The following SNTG2 variants were observed in gnomAD, a reference collection of about 807,000 sequenced individuals.
SNTG2 encodes the protein syntrophin gamma 2, also known as gamma-2-syntrophin.
A neutral mutation model predicts 70.9 loss-of-function variants in SNTG2; 74 were observed. The observed-to-expected ratio is 1.04, with a 90% confidence interval of 0.86 to 1.27. The LOEUF is 1.27. Among genes scored for constraint, SNTG2 ranks in the 50% most tolerant of loss-of-function variants. SNTG2 has a pLI of 0.00. For synonymous variants in SNTG2, 278 were observed against 273.8 expected (o/e 1.02, Z -0.15); for missense variants, 717 against 690.7 (o/e 1.04, Z -0.43).
chr2:1,204,268 C>T (rs2147977818), intron 8 of SNTG2, among the ~76,000 whole-genome samples: 1 of 152,272 alleles, frequency 6.6e-6, no homozygotes, highest in Middle Eastern at 3.4e-3. Context: ...TCAAACTGTG[C>T]ACTTAAAATC....
chr2:1,124,300 T>C (rs1047227508), intron 4 of SNTG2, among the ~76,000 whole-genome samples: 1 of 150,624 alleles, frequency 6.6e-6, no homozygotes, highest in Middle Eastern at 3.2e-3. Flanking sequence ...CTCAGTCTTT[T>C]TTTAATTTTT....
intron 14 of SNTG2, among the ~76,000 whole-genome samples, chr2:1,269,389 C>G (rs1033045244): frequency 6.6e-6 from 1 of 152,086 alleles, no homozygotes; most frequent in Non-Finnish European, 1.5e-5. Flanking sequence ...GGCATGGTAG[C>G]TGATGCCTGT....
At chr2:1,191,565 G>A (rs1349346355) in intron 8 of SNTG2, among the ~76,000 whole-genome samples, 1 of 152,170 alleles carries the variant, frequency 6.6e-6, no homozygotes, top group Non-Finnish European at 1.5e-5. Flanking sequence ...GGAGGCTGAG[G>A]TGAACGGATC....
intron 4 of SNTG2, among the ~76,000 whole-genome samples, chr2:1,132,892 T>C (rs994092513): frequency 2.0e-5 from 3 of 152,222 alleles, no homozygotes; most frequent in Admixed American, 1.3e-4. Flanking sequence ...TGCATTTGCC[T>C]TTCTCTACAG....
intron 14 of SNTG2, among the ~76,000 whole-genome samples, chr2:1,277,878 C>T (rs552245760): frequency 6.6e-6 from 1 of 152,198 alleles, no homozygotes; most frequent in Non-Finnish European, 1.5e-5. Flanking sequence ...GAGATCCCAC[C>T]GGAAGTGTCC....
At chr2:1,237,637 T>A (rs979608506) in intron 9 of SNTG2, among the ~76,000 whole-genome samples, 7 of 152,236 alleles carry the variant, frequency 4.6e-5, no homozygotes, top group African/African-American at 1.2e-4. Flanking sequence ...TCAGGAGCAC[T>A]GTTCTTTCCT....
intron 2 of SNTG2, among the ~76,000 whole-genome samples, chr2:1,084,304 G>A (rs962525144): frequency 1.3e-5 from 2 of 152,190 alleles, no homozygotes; most frequent in African/African-American, 4.8e-5. Context: ...TGAAAGAGGT[G>A]CAGATGTTAG....
intron 1 of SNTG2, among the ~76,000 whole-genome samples, chr2:1,063,419 A>C (rs1424324896): frequency 6.6e-6 from 1 of 152,184 alleles, no homozygotes; most frequent in Non-Finnish European, 1.5e-5. Context: ...GGAGTGGGGC[A>C]GCAGGGCCGA....
intron 8 of SNTG2, among the ~76,000 whole-genome samples, chr2:1,174,523 A>T (rs1671345713): frequency 6.6e-6 from 1 of 152,168 alleles, no homozygotes; most frequent in Admixed American, 6.5e-5. Context: ...AGCCATAAAG[A>T]TACTTATAAA....
At chr2:1,265,096 C>T (rs1678650712) in intron 13 of SNTG2, among the ~76,000 whole-genome samples, 1 of 151,546 alleles carries the variant, frequency 6.6e-6, no homozygotes, top group Admixed American at 6.6e-5. Flanking sequence ...GATGTGCGTT[C>T]CCACATAAAT....
intron 6 of SNTG2, among the ~76,000 whole-genome samples, chr2:1,156,748 C>G (rs4246561): frequency 1.3e-5 from 2 of 151,886 alleles, no homozygotes; most frequent in Non-Finnish European, 2.9e-5. Flanking sequence ...AGGTGATGCT[C>G]GGGCTGTCAT....
intron 16 of SNTG2, among the ~76,000 whole-genome samples, chr2:1,324,786 A>G (rs536384686): frequency 3.5e-4 from 53 of 152,348 alleles, no homozygotes; most frequent in African/African-American, 1.2e-3. Flanking sequence ...GACTGGCCAC[A>G]TGGGTTCCTT....
chr2:1,001,163 TACTGA>T (rs2147987719), intron 1 of SNTG2, among the ~76,000 whole-genome samples: 1 of 152,136 alleles, frequency 6.6e-6, no homozygotes, highest in Non-Finnish European at 1.5e-5. Context: ...GTCAACATCA[TACTGA>T]ATGGACAAAC....
chr2:1,324,606 G>T (rs1681687681), intron 16 of SNTG2, among the ~76,000 whole-genome samples: 1 of 152,110 alleles, frequency 6.6e-6, no homozygotes, highest in South Asian at 2.1e-4. Context: ...CAAAAACAAT[G>T]GTCAGCGCTA....
intron 6 of SNTG2, among the ~76,000 whole-genome samples, chr2:1,162,024 A>T (rs1284479674): frequency 7.0e-6 from 1 of 143,204 alleles, no homozygotes; most frequent in African/African-American, 2.6e-5. Flanking sequence ...CAGTGGGCCC[A>T]GATGGCGCCA....
At chr2:1,268,266 C>T (rs1039474600) in intron 14 of SNTG2, among the ~76,000 whole-genome samples, 2 of 152,184 alleles carry the variant, frequency 1.3e-5, no homozygotes, top group African/African-American at 2.4e-5. Flanking sequence ...CCAGGGCTCC[C>T]GCCTGGCTGA....
At position 956,007 on chromosome 2, in the gene SNTG2, C is replaced by T. The variant is rs373085151; in HGVS notation, c.72+4939C>T. 1.0e-4 allele frequency among the ~76,000 whole-genome samples: 15 copies of T among 147,598 alleles called. No individual in the cohort carries two copies. In the East Asian group the frequency reaches 2.8e-3, roughly 28 times the overall value. Reference sequence around the variant, plus strand: ...TGCATCTGCATCTGCCCTGGCCCCACCCACTGCCCTTGTGACTGTGCTGGC... The same window carrying T: ...TGCATCTGCATCTGCCCTGGCCCCATCCACTGCCCTTGTGACTGTGCTGGC... On this transcript the variant is annotated intron_variant, in intron 1 of 16. Transcript: ENST00000308624.
At chr2:1,023,652 C>G (rs1660319887) in intron 1 of SNTG2, among the ~76,000 whole-genome samples, 1 of 152,144 alleles carries the variant, frequency 6.6e-6, no homozygotes, top group Non-Finnish European at 1.5e-5. Flanking sequence ...CCTGGTCAGC[C>G]CTTGCAAGGA....
chr2:1,036,491 A>C (rs1196070076), intron 1 of SNTG2, among the ~76,000 whole-genome samples: 3 of 152,214 alleles, frequency 2.0e-5, no homozygotes, highest in Admixed American at 2.0e-4. Flanking sequence ...TAATTTTTCA[A>C]AGAAAATTGA....
Sources: gnomAD v4.1 joint callset for allele counts (sites outside exome capture counted in the v4.1 genomes callset) on GRCh38, gnomAD v4.1.1 for gene constraint, MANE v1.5 for transcripts, NCBI Gene and HGNC (gene_info 2026-07-23, HGNC 2026-07-21) for gene names.